NOC3L: variants seen among roughly 807,000 people sequenced by gnomAD.
NOC3L encodes the protein nucleolar complex protein 3 homolog.
NOC3L carries 85 observed loss-of-function variants against 102.5 expected under a neutral mutation model. That is an observed-to-expected ratio of 0.83 (90% CI 0.70 to 0.99). NOC3L has a LOEUF of 0.99. Ranked by LOEUF, NOC3L falls within the 50% of genes least tolerant of loss-of-function variation. NOC3L has a pLI of 0.00. For synonymous variants in NOC3L, 303 were observed against 309.4 expected (o/e 0.98, Z 0.22); for missense variants, 878 against 914.9 (o/e 0.96, Z 0.52).
At chr10:94,343,641 T>G (rs891338930) in intron 13 of NOC3L, among the ~76,000 whole-genome samples, 1 of 152,224 alleles carries the variant, frequency 6.6e-6, no homozygotes, top group South Asian at 2.1e-4. Flanking sequence ...ACTAGCCACA[T>G]GTGGCTGTTA....
chr10:94,362,296 T>C (rs1033468200), intron 1 of NOC3L, among the ~76,000 whole-genome samples: 1 of 152,222 alleles, frequency 6.6e-6, no homozygotes, highest in African/African-American at 2.4e-5. Context: ...CTGACTGCTG[T>C]TATCCTCACA....
At chr10:94,344,358 C>A in intron 13 of NOC3L, 57 bp downstream of exon 13, 4 of 1,148,650 alleles carry the variant, frequency 3.5e-6, no homozygotes, top group Non-Finnish European at 5.1e-6. Context: ...CTCGAAAATT[C>A]TTTGGTCTTT....
chr10:94,315,571 C>A, the NOC3L span: 7 of 449,520 alleles, frequency 1.6e-5, no homozygotes, highest in South Asian at 7.9e-5. Context: ...GAATTTGAGA[C>A]CAGCCTGGCC....
intron 13 of NOC3L, 39 bp from the exon 14 acceptor site, chr10:94,341,784 C>G (rs1444309990): frequency 4.2e-6 from 5 of 1,195,768 alleles, no homozygotes; most frequent in Non-Finnish European, 5.9e-6. Flanking sequence ...GAACTAAAAG[C>G]AGAAATAAAG....
chr10:94,348,740 A>T (rs577074668), intron 10 of NOC3L, among the ~76,000 whole-genome samples: 25 of 152,278 alleles, frequency 1.6e-4, no homozygotes, highest in Non-Finnish European at 2.6e-4. Flanking sequence ...CAACAATTTG[A>T]GTTTGTAAAT....
chr10:94,321,886 T>C, the NOC3L span: 1 of 1,600,882 alleles, frequency 6.2e-7, no homozygotes, highest in Non-Finnish European at 8.6e-7. Flanking sequence ...TCACATTTTT[T>C]CTTTTTAAAC....
chr10:94,334,500 A>T (rs2133980917), intron 20 of NOC3L, 134 bp downstream of exon 20: 1 of 699,870 alleles, frequency 1.4e-6, no homozygotes, highest in South Asian at 1.9e-5. Flanking sequence ...CAACCTCAGA[A>T]ATCCATCCTA....
At chr10:94,334,569 G>T in intron 20 of NOC3L, 65 bp downstream of exon 20, 1 of 1,167,960 alleles carries the variant, frequency 8.6e-7, no homozygotes, top group Non-Finnish European at 1.2e-6. Context: ...GCAAACTGGA[G>T]TTAGAGTTAT....
At position 94,334,731 on chromosome 10, in the gene NOC3L, C is replaced by A. The variant is rs1456516875; in HGVS notation, c.2190-13G>T. 6.3e-7 allele frequency: 1 copy of A among 1,585,910 alleles called. No individual in the cohort carries two copies. Among genetic ancestry groups the A allele is most frequent in the Non-Finnish European group, 8.6e-7 (1 of 1,158,588 alleles). ...TTCAGTAGCAGATCTAAATCACAAACACAAAAAATGTAAAGATACCACCAC... is the reference window on the plus strand; with the variant it reads ...TTCAGTAGCAGATCTAAATCACAAAAACAAAAAATGTAAAGATACCACCAC... On this transcript the variant is annotated splice_polypyrimidine_tract_variant and intron_variant, in intron 19 of 20. Transcript: ENST00000371361.
In NOC3L at chr10:94,337,781, G is replaced by A; in HGVS notation, c.2185C>T (p.Arg729Ter). Residue 729 changes from arginine to a stop codon, truncating the protein, a stop_gained, in exon 19 of 21, where the codon CGA (arginine) becomes TGA (stop). Transcript: ENST00000371361. LOFTEE classifies it high-confidence loss of function. ...GSGALKPELS[R>*]RSATELFEAY... ...TAAGGCAATGCTAAATATTACCTTC[G>A]ACTCAACTCTGGTTTGAGTGCTCCA... The A allele has an allele frequency of 1.9e-6, 3 of 1,608,292 alleles. No homozygotes were observed. Among genetic ancestry groups the A allele is most frequent in the South Asian group, 1.1e-5 (1 of 90,766 alleles).
the NOC3L span, among the ~76,000 whole-genome samples, chr10:94,326,029 T>C: frequency 6.6e-6 from 1 of 152,180 alleles, no homozygotes; most frequent in Non-Finnish European, 1.5e-5. Flanking sequence ...AAGCAAATTA[T>C]TTACATGAGA....
chr10:94,360,823 C>T (rs1431031105), intron 2 of NOC3L, among the ~76,000 whole-genome samples: 1 of 151,736 alleles, frequency 6.6e-6, no homozygotes, highest in Non-Finnish European at 1.5e-5. Context: ...TAAATATATA[C>T]ACCTACTATG....
At chr10:94,324,533 G>A in the NOC3L span, 2 of 1,614,148 alleles carry the variant, frequency 1.2e-6, no homozygotes, top group Non-Finnish European at 1.7e-6. Flanking sequence ...AAAGGTGCAG[G>A]AAAATTCATC....
chr10:94,348,313 A>C (rs1279291833), intron 10 of NOC3L, among the ~76,000 whole-genome samples: 1 of 151,776 alleles, frequency 6.6e-6, no homozygotes, highest in African/African-American at 2.4e-5. Flanking sequence ...GACTATGTGC[A>C]TAACAAAAAA....
At chr10:94,347,611 A>G (rs1309068313) in intron 10 of NOC3L, among the ~76,000 whole-genome samples, 1 of 152,110 alleles carries the variant, frequency 6.6e-6, no homozygotes, top group Non-Finnish European at 1.5e-5. Context: ...ATAAAAAGGA[A>G]TCTGATGCCA....
In NOC3L at chr10:94,344,407, G is replaced by A. The variant is rs776732725; in HGVS notation, c.1571+8C>T. On this transcript the variant is annotated splice_region_variant and intron_variant, in intron 13 of 20. Coordinates refer to ENST00000371361, the MANE Select transcript of NOC3L (RefSeq NM_022451.11). ...AATCTAAAAGATTTCAACCTACACA[G>A]CCCTTACTTGGCAAGACCTTCTAGA... The A allele has an allele frequency of 8.2e-6, 13 of 1,590,344 alleles. No homozygotes were observed. Among genetic ancestry groups the A allele is most frequent in the Non-Finnish European group, 1.1e-5 (13 of 1,159,536 alleles).
intron 9 of NOC3L, 138 bp from the exon 10 acceptor site, chr10:94,349,516 C>CAGTAGTTAA: frequency 1.6e-6 from 1 of 626,658 alleles, no homozygotes; most frequent in South Asian, 3.3e-5. Flanking sequence ...CACTAGATGC[C>CAGTAGTTAA]AGTAGTTAAG....
the NOC3L span, among the ~76,000 whole-genome samples, chr10:94,327,485 G>C: frequency 6.6e-6 from 1 of 152,186 alleles, no homozygotes; most frequent in South Asian, 2.1e-4. Flanking sequence ...TGAGGCAGGA[G>C]AATTGCTTGA....
intron 6 of NOC3L, 89 bp from the exon 7 acceptor site, chr10:94,353,146 C>T (rs930823525): frequency 1.2e-5 from 13 of 1,052,610 alleles, no homozygotes; most frequent in African/African-American, 4.8e-5. Context: ...GCAAAACAAG[C>T]GGAATTCACA....
Sources: gnomAD v4.1 joint callset for allele counts (sites outside exome capture counted in the v4.1 genomes callset) on GRCh38, gnomAD v4.1.1 for gene constraint, MANE v1.5 for transcripts, NCBI Gene and HGNC (gene_info 2026-07-23, HGNC 2026-07-21) for gene names.